EEIG2: variants seen among roughly 807,000 people sequenced by gnomAD.
EEIG2 encodes EEIG family member 2.
chr1:108,611,969 C>T, the EEIG2 span, among the ~76,000 whole-genome samples: 2 of 151,668 alleles, frequency 1.3e-5, no homozygotes, highest in Non-Finnish European at 2.9e-5. Flanking sequence ...TGTTGCTGAA[C>T]GCAAGAATAG....
chr1:108,569,044 T>C, the EEIG2 span, among the ~76,000 whole-genome samples: 1 of 152,160 alleles, frequency 6.6e-6, no homozygotes, highest in East Asian at 1.9e-4. Context: ...AATAATTTGT[T>C]CAAAGTCACA....
chr1:108,560,311 C>A, the EEIG2 span: 2 of 809,128 alleles, frequency 2.5e-6, no homozygotes, highest in Non-Finnish European at 3.0e-6. Context: ...GCCCCCCGGC[C>A]GCGCCCCCGC....
the EEIG2 span, among the ~76,000 whole-genome samples, chr1:108,607,930 T>C: frequency 6.6e-6 from 1 of 152,220 alleles, no homozygotes; most frequent in African/African-American, 2.4e-5. Context: ...CAAAATAATC[T>C]TTCTAAAATT....
At chr1:108,582,298 A>T in the EEIG2 span, among the ~76,000 whole-genome samples, 1 of 152,126 alleles carries the variant, frequency 6.6e-6, no homozygotes, top group African/African-American at 2.4e-5. Context: ...TGAACCCATA[A>T]TATCCCTGAG....
the EEIG2 span, among the ~76,000 whole-genome samples, chr1:108,631,662 CAT>C: frequency 6.6e-6 from 1 of 152,032 alleles, no homozygotes; most frequent in Non-Finnish European, 1.5e-5. Context: ...TCATAATAAA[CAT>C]ATAGCAATTA....
chr1:108,612,595 A>G, the EEIG2 span, among the ~76,000 whole-genome samples: 1 of 152,224 alleles, frequency 6.6e-6, no homozygotes, highest in Non-Finnish European at 1.5e-5. Flanking sequence ...ATTAATGAAT[A>G]CCTTAAAATG....
At chr1:108,585,389 A>C in the EEIG2 span, among the ~76,000 whole-genome samples, 1 of 152,118 alleles carries the variant, frequency 6.6e-6, no homozygotes, top group Non-Finnish European at 1.5e-5. Flanking sequence ...GAGTTTCTCT[A>C]ACCTACCCTG....
At chr1:108,639,148 T>C in the EEIG2 span, 1 of 152,188 alleles carries the variant, frequency 6.6e-6, no homozygotes, top group Non-Finnish European at 1.5e-5. Context: ...CGTATTCTGT[T>C]CTAATACTTG....
chr1:108,638,620 A>G, the EEIG2 span: 1 of 152,172 alleles, frequency 6.6e-6, no homozygotes, highest in East Asian at 1.9e-4. Context: ...CTGTTTGGTC[A>G]GTTCTAGATG....
the EEIG2 span, chr1:108,606,302 G>A: frequency 7.7e-6 from 10 of 1,301,774 alleles, no homozygotes; most frequent in African/African-American, 1.5e-5. Context: ...GTTGCTTATT[G>A]CTATTTATAG....
chr1:108,621,829 TG>T, the EEIG2 span, among the ~76,000 whole-genome samples: 1 of 141,024 alleles, frequency 7.1e-6, no homozygotes, highest in African/African-American at 2.6e-5. Context: ...TAATGCAGGG[TG>T]TTTTTTTTTT....
At chr1:108,560,787 C>A in the EEIG2 span, among the ~76,000 whole-genome samples, 3 of 152,104 alleles carry the variant, frequency 2.0e-5, no homozygotes, top group African/African-American at 7.2e-5. Flanking sequence ...CTCTTCCCTC[C>A]CAAATCCTCT....
chr1:108,638,754 T>C, the EEIG2 span: 1 of 152,172 alleles, frequency 6.6e-6, no homozygotes, highest in Non-Finnish European at 1.5e-5. Flanking sequence ...GTCTAAAATA[T>C]AAAAGATGAA....
the EEIG2 span, among the ~76,000 whole-genome samples, chr1:108,588,947 A>G: frequency 2.9e-3 from 436 of 152,266 alleles, 1 homozygote; most frequent in African/African-American, 0.01. Context: ...AAGATTATAA[A>G]CAAGTATTCA....
chr1:108,621,259 A>G, the EEIG2 span, among the ~76,000 whole-genome samples: 1 of 152,188 alleles, frequency 6.6e-6, no homozygotes, highest in Non-Finnish European at 1.5e-5. Context: ...AAAAGGGGTA[A>G]TGGAACAAAA....
the EEIG2 span, chr1:108,635,203 T>G: frequency 7.3e-5 from 117 of 1,599,446 alleles, no homozygotes; most frequent in East Asian, 2.6e-3. Context: ...GAGTAGTTGA[T>G]GTATCAAGGC....
At chr1:108,599,645 C>T in the EEIG2 span, among the ~76,000 whole-genome samples, 1 of 152,196 alleles carries the variant, frequency 6.6e-6, no homozygotes, top group African/African-American at 2.4e-5. Context: ...GCCAGTTCTT[C>T]TCTACCACCT....
the EEIG2 span, chr1:108,624,574 C>T: frequency 7.3e-7 from 1 of 1,361,050 alleles, no homozygotes; most frequent in Non-Finnish European, 1.0e-6. Flanking sequence ...GCTTACTAAG[C>T]TCACCAATCA....
At chr1:108,577,899 T>A in the EEIG2 span, among the ~76,000 whole-genome samples, 25 of 150,834 alleles carry the variant, frequency 1.7e-4, no homozygotes, top group African/African-American at 6.0e-4. Flanking sequence ...CAGTATGGCC[T>A]TTTTCACGAT....
Sources: gnomAD v4.1 joint callset for allele counts (sites outside exome capture counted in the v4.1 genomes callset) on GRCh38, gnomAD v4.1.1 for gene constraint, MANE v1.5 for transcripts, NCBI Gene and HGNC (gene_info 2026-07-23, HGNC 2026-07-21) for gene names.